UTP20: variants seen among roughly 807,000 people sequenced by gnomAD.
UTP20 encodes UTP20 small subunit processome component.
In UTP20, 164 loss-of-function variants were observed where a neutral mutation model predicts 329.5. That is an observed-to-expected ratio of 0.50 (90% CI 0.44 to 0.57). The LOEUF (loss-of-function observed/expected upper bound fraction) is 0.57, where lower values mean the gene tolerates loss of function less well. UTP20 is among the 20% of genes least tolerant of loss of function. The pLI is 0.00. For synonymous variants in UTP20, 1,151 were observed against 1,159.3 expected (o/e 0.99, Z 0.14); for missense variants, 3,055 against 3,284.2 (o/e 0.93, Z 1.71).
At chr12:101,329,113 A>G (rs1868667064) in intron 26 of UTP20, 128 bp from the exon 27 acceptor site, 3 of 801,172 alleles carry the variant, frequency 3.7e-6, no homozygotes, top group Non-Finnish European at 5.9e-6. Flanking sequence ...GTGCATTGTC[A>G]TCTATAAATT....
At chr12:101,346,656 AT>A in intron 38 of UTP20, 68 bp downstream of exon 38, 4 of 1,458,606 alleles carry the variant, frequency 2.7e-6, no homozygotes, top group Non-Finnish European at 3.7e-6. Context: ...CAGAATATAC[AT>A]GGAGTTGGTG....
intron 51 of UTP20, 47 bp from the exon 52 acceptor site, chr12:101,372,837 A>G (rs779027818): frequency 8.1e-6 from 12 of 1,483,730 alleles, no homozygotes; most frequent in Non-Finnish European, 1.1e-5. Context: ...AAACAGGAAT[A>G]CTAGAGGTGA....
intron 40 of UTP20, among the ~76,000 whole-genome samples, chr12:101,353,794 T>TAA (rs1869621717): frequency 6.6e-6 from 1 of 152,174 alleles, no homozygotes. Context: ...TAAGATGTAA[T>TAA]AAACATTACT....
intron 43 of UTP20, among the ~76,000 whole-genome samples, chr12:101,359,294 G>A (rs148077228): frequency 1.7e-3 from 252 of 152,202 alleles, no homozygotes; most frequent in African/African-American, 5.5e-3. Flanking sequence ...TCAAATTCCT[G>A]GCCTCAAGAG....
intron 15 of UTP20, among the ~76,000 whole-genome samples, chr12:101,303,615 C>T (rs567181089): frequency 6.6e-6 from 1 of 152,186 alleles, no homozygotes; most frequent in East Asian, 1.9e-4. Context: ...CTGAGCAGAG[C>T]ACGAGAGTGG....
At chr12:101,315,109 A>G (rs936584327) in intron 21 of UTP20, among the ~76,000 whole-genome samples, 8 of 152,054 alleles carry the variant, frequency 5.3e-5, no homozygotes, top group Non-Finnish European at 1.2e-4. Flanking sequence ...GCTCCCAAAA[A>G]AAGACTTAAC....
Position 101,333,370 on chromosome 12 carries a change from T to C in UTP20, c.3487T>C (p.Phe1163Leu), listed in dbSNP as rs1868824183. 6.2e-7 allele frequency: 1 copy of C among 1,613,918 alleles called. No individual in the cohort carries two copies. Among genetic ancestry groups the C allele is most frequent in the African/African-American group, 1.3e-5 (1 of 74,920 alleles). The change falls in exon 28 of 62, where the codon TTT (phenylalanine) becomes CTT (leucine). Residue 1163 changes from phenylalanine to leucine, a missense_variant. Physicochemically the swap from Phe to Leu is conservative, Grantham distance 22 (BLOSUM62 0). Coordinates refer to ENST00000261637, the MANE Select transcript of UTP20 (RefSeq NM_014503.3). Reference protein sequence around the residue: ...RLGIKMVTDIFLDWESYQFRT... With the variant: ...RLGIKMVTDILLDWESYQFRT... ...TGGAATCAAAATGGTAACTGATATC[T>C]TTTTGGACTGGGAATCATATCAGTT...
intron 1 of UTP20, 132 bp downstream of exon 1, chr12:101,280,459 G>A (rs1871758203): frequency 1.8e-6 from 2 of 1,115,938 alleles, no homozygotes; most frequent in African/African-American, 3.1e-5. Context: ...TCCGGCGAAA[G>A]AGGGAGACAC....
intron 22 of UTP20, 66 bp downstream of exon 22, chr12:101,317,729 AC>A: frequency 6.9e-7 from 1 of 1,445,734 alleles, no homozygotes; most frequent in Non-Finnish European, 9.2e-7. Context: ...GAGGTCTCTT[AC>A]GGCTTTATAC....
chr12:101,363,588 G>T lies in UTP20; in HGVS notation c.5803G>T (p.Glu1935Ter). Residue 1935 changes from glutamate (E) to a stop codon, truncating the protein, a stop_gained, in exon 45 of 62, where the codon GAG becomes TAG. Transcript: ENST00000261637. LOFTEE classifies it high-confidence loss of function. Reference protein sequence around the residue: ...LDIMIEIFNHELFGAVAEEKE... With the variant: ...LDIMIEIFNH Reference sequence around the variant, plus strand: ...TTTTCTTCCAAAGATTTTTAACCATGAGTTGTTTGGTGCTGTTGCTGAAGA... The same window carrying T: ...TTTTCTTCCAAAGATTTTTAACCATTAGTTGTTTGGTGCTGTTGCTGAAGA... 6.2e-7 allele frequency: 1 copy of T among 1,612,164 alleles called. No homozygotes were observed. The highest frequency in any genetic ancestry group is 8.5e-7 in the Non-Finnish European group (1 of 1,179,318).
intron 38 of UTP20, 141 bp downstream of exon 38, chr12:101,346,729 CT>C (rs1490626486): frequency 1.3e-6 from 1 of 791,656 alleles, no homozygotes; most frequent in Admixed American, 3.3e-5. Flanking sequence ...GTTCTTAGAA[CT>C]GTGTCTGACA....
Position 101,346,431 on chromosome 12 carries a change from A to G in UTP20, c.4747-20A>G. ...GGTGAGATTATTCGGTAACTAATTC[A>G]TATTTTATCTTACCCATAGATCCAC... On this transcript the variant is annotated intron_variant, in intron 37 of 61. Coordinates refer to ENST00000261637, the MANE Select transcript of UTP20 (RefSeq NM_014503.3). 1 of 1,567,102 alleles carries G rather than the reference A, an allele frequency of 6.4e-7. No individual in the cohort carries two copies. The highest frequency in any genetic ancestry group is 8.6e-7 in the Non-Finnish European group (1 of 1,163,022).
At chr12:101,347,348 A>C (rs1434735759) in intron 38 of UTP20, among the ~76,000 whole-genome samples, 1 of 151,904 alleles carries the variant, frequency 6.6e-6, no homozygotes, top group Non-Finnish European at 1.5e-5. Context: ...AATGGCAAAA[A>C]CCCATGTGCA....
chr12:101,290,486 G>A (rs891021002), intron 7 of UTP20, among the ~76,000 whole-genome samples: 2 of 152,172 alleles, frequency 1.3e-5, no homozygotes, highest in African/African-American at 4.8e-5. Context: ...TATTTTGGAT[G>A]CTAGGGGGTA....
rs534410997 is a variant in UTP20 at position 101,346,195 on chromosome 12, G to T, written c.4747-256G>T. Among the ~76,000 whole-genome samples the T allele has an allele frequency of 1.6e-4, 24 of 152,196 alleles. No individual in the cohort carries two copies. The East Asian group carries it at 4.6e-3, about 29-fold the overall frequency. ...GCGTCCTGAGTAGCTGGGATTACAG[G>T]CATGCACCACCACACCCAGCTAATT... is the stretch of plus-strand genomic sequence containing the variant. On this transcript the variant is annotated intron_variant, in intron 37 of 61. Coordinates refer to ENST00000261637, the MANE Select transcript of UTP20 (RefSeq NM_014503.3).
At chr12:101,340,724 C>A in intron 32 of UTP20, 114 bp downstream of exon 32, 1 of 670,816 alleles carries the variant, frequency 1.5e-6, no homozygotes, top group Admixed American at 2.9e-5. Context: ...TCGCAAGGAA[C>A]TTAAAATACT....
At chr12:101,334,324 T>G (rs1469484693) in intron 28 of UTP20, 101 bp from the exon 29 acceptor site, 2 of 986,632 alleles carry the variant, frequency 2.0e-6, no homozygotes, top group East Asian at 5.2e-5. Context: ...TCCCTTGTCT[T>G]TTTCATCCTG....
At chr12:101,359,868 T>C (rs1027058735) in intron 43 of UTP20, among the ~76,000 whole-genome samples, 1 of 152,118 alleles carries the variant, frequency 6.6e-6, no homozygotes, top group Non-Finnish European at 1.5e-5. Flanking sequence ...CTCAGAACTG[T>C]AGTTCCAATG....
Position 101,356,551 on chromosome 12 carries a change from C to A in UTP20, c.5395-3C>A. 1 of 1,602,016 alleles carries A rather than the reference C, an allele frequency of 6.2e-7. No individual in the cohort carries two copies. The highest frequency in any genetic ancestry group is 1.3e-5 in the African/African-American group (1 of 74,364). The stretch of plus-strand genomic sequence containing the variant: ...TTTAGCTTAACCTAAATTTTTCTTA[C>A]AGACTAAAAGGGAAGAAGAACACAA... On this transcript the variant is annotated splice_polypyrimidine_tract_variant and splice_region_variant and intron_variant, in intron 41 of 61. Transcript: ENST00000261637.
Sources: gnomAD v4.1 joint callset for allele counts (sites outside exome capture counted in the v4.1 genomes callset) on GRCh38, gnomAD v4.1.1 for gene constraint, MANE v1.5 for transcripts, NCBI Gene and HGNC (gene_info 2026-07-23, HGNC 2026-07-21) for gene names.